LRRN1: variants seen among roughly 807,000 people sequenced by gnomAD.
LRRN1 encodes the protein leucine rich repeat neuronal 1, also known as leucine-rich repeat neuronal protein 1.
In LRRN1, 14 loss-of-function variants were observed where a neutral mutation model predicts 45.8. The ratio of observed to expected loss-of-function variants is 0.31; its 90% CI spans 0.20 to 0.48. The LOEUF is 0.48. Among genes scored for constraint, LRRN1 ranks in the 20% least tolerant of loss-of-function variants. LRRN1 has a pLI of 0.99. For missense variants in LRRN1, 789 were observed against 874.2 expected, an observed-to-expected ratio of 0.90 and a Z score of 1.23; for synonymous variants, 359 against 330.1, an observed-to-expected ratio of 1.09 and a Z score of -0.95.
rs772776936 is a variant in LRRN1, at chr3:3,845,983, C to T, written c.1342C>T (p.Arg448Ter). The change falls in exon 2 of 2, where the codon CGA becomes TGA. Residue 448 changes from arginine (R) to a stop codon, truncating the protein, a stop_gained. Coordinates refer to ENST00000319331, the MANE Select transcript of LRRN1 (RefSeq NM_020873.7). LOFTEE classifies it high-confidence loss of function. The surrounding 1 kb of genome is among the most constrained non-coding windows in gnomAD (Gnocchi z 6.5). ...CGGCACGACGGTTTTCCTAGACTGTCGAGCCATGGCTGAGCCAGAACCTGA... is the reference window on the plus strand; with the variant it reads ...CGGCACGACGGTTTTCCTAGACTGTTGAGCCATGGCTGAGCCAGAACCTGA... ...DIGTTVFLDC[R>*]AMAEPEPEIY... 1 of 1,613,962 alleles carries T rather than the reference C, an allele frequency of 6.2e-7. No individual in the cohort carries two copies. The highest frequency in any genetic ancestry group is 8.5e-7 in the Non-Finnish European group (1 of 1,179,870).
In LRRN1 at chr3:3,805,586, T is replaced by A. The variant is rs1335503715; in HGVS notation, c.-279+5667T>A. Among the ~76,000 whole-genome samples, 3 of 152,184 alleles carry A rather than the reference T, an allele frequency of 2.0e-5. No homozygotes were observed. The East Asian group carries it at 5.8e-4, about 29-fold the overall frequency. On this transcript the variant is annotated intron_variant, in intron 1 of 1. Transcript: ENST00000319331. ...TTTCAATATCACCAGTGCGAATAAT[T>A]TGATTTCTGCCCCAAGAGCTAGAAT...
Position 3,846,753 on chromosome 3 carries a change from A to G in LRRN1, c.2112A>G (p.Pro704=), listed in dbSNP as rs376646210. 3.5e-5 allele frequency: 57 copies of G among 1,612,600 alleles called. No homozygotes were observed. The highest frequency in any genetic ancestry group is 4.6e-5 in the Non-Finnish European group (54 of 1,179,682). ...KDKDGSADTK[P]TQVDTSRSYY... The stretch of plus-strand genomic sequence containing the variant: ...AAGATGGTTCTGCAGACACCAAGCC[A>G]ACCCAGGTCGACACATCCAGAAGCT... Residue 704 remains proline, a synonymous_variant, in exon 2 of 2, where the codon CCA becomes CCG. Transcript: ENST00000319331. The surrounding 1 kb of genome is among the most constrained non-coding windows in gnomAD (Gnocchi z 5.7).
intron 1 of LRRN1, among the ~76,000 whole-genome samples, chr3:3,824,206 C>A (rs1305607588): frequency 6.6e-6 from 1 of 152,170 alleles, no homozygotes; most frequent in African/African-American, 2.4e-5. Flanking sequence ...GTAAGTCACT[C>A]AGTGTAGTGG....
At chr3:3,810,055 C>A (rs989307349) in intron 1 of LRRN1, among the ~76,000 whole-genome samples, 2 of 152,172 alleles carry the variant, frequency 1.3e-5, no homozygotes, top group African/African-American at 4.8e-5. Context: ...TTTGTCTAGA[C>A]ATGAGAAATA....
chr3:3,803,666 A>G (rs986882376), intron 1 of LRRN1, among the ~76,000 whole-genome samples: 1 of 152,200 alleles, frequency 6.6e-6, no homozygotes. Flanking sequence ...TTAATATTTA[A>G]TTCAGGATGA....
intron 1 of LRRN1, among the ~76,000 whole-genome samples, chr3:3,808,017 G>A (rs1310072090): frequency 2.0e-5 from 3 of 152,148 alleles, no homozygotes; most frequent in Admixed American, 1.3e-4. Context: ...CAAAATATGT[G>A]GGCAAAGGCT....
chr3:3,814,424 C>G (rs912529749), intron 1 of LRRN1, among the ~76,000 whole-genome samples: 2 of 151,778 alleles, frequency 1.3e-5, no homozygotes, highest in African/African-American at 4.8e-5. Context: ...TGCCATCTGG[C>G]TTCTTGTTGG....
At chr3:3,815,342 C>T (rs1692965834) in intron 1 of LRRN1, among the ~76,000 whole-genome samples, 1 of 152,148 alleles carries the variant, frequency 6.6e-6, no homozygotes, top group Admixed American at 6.5e-5. Flanking sequence ...AATACCACTG[C>T]TTTGTGTACA....
chr3:3,825,089 C>T (rs1019209344), intron 1 of LRRN1, among the ~76,000 whole-genome samples: 3 of 152,200 alleles, frequency 2.0e-5, no homozygotes, highest in Admixed American at 1.3e-4. Flanking sequence ...AGACACCTTC[C>T]TGGGTTTGGA....
rs1322179122 is a variant in LRRN1 at position 3,838,478 on chromosome 3, G to A, written c.-278-5886G>A. On this transcript the variant is annotated intron_variant, in intron 1 of 1. Coordinates refer to ENST00000319331, the MANE Select transcript of LRRN1 (RefSeq NM_020873.7). ...CTCTTGGCTATTGTGAATAATAATAGGTGCAATGAACGTGGGTGTACAAAT... is the reference window on the plus strand; with the variant it reads ...CTCTTGGCTATTGTGAATAATAATAAGTGCAATGAACGTGGGTGTACAAAT... Among the ~76,000 whole-genome samples the A allele has an allele frequency of 2.0e-5, 3 of 152,258 alleles. No individual in the cohort carries two copies. In the East Asian group the frequency reaches 5.8e-4, roughly 29 times the overall value.
In LRRN1 at chr3:3,844,616, G is replaced by C. The variant is rs1693717281; in HGVS notation, c.-26G>C. ...TTTTGTTAAAACTTTGGGGTGTCAG[G>C]AGTTGAGCTTGCTCAGCAAGCCAGC... On this transcript the variant is annotated 5_prime_UTR_variant, in exon 2 of 2. Coordinates refer to ENST00000319331, the MANE Select transcript of LRRN1 (RefSeq NM_020873.7). The C allele has an allele frequency of 6.3e-7, 1 of 1,575,630 alleles. No individual in the cohort carries two copies.
rs1693804614 is a variant in LRRN1, at chr3:3,847,503, T to G, written c.*711T>G. The G allele has an allele frequency of 6.0e-6, 1 of 167,074 alleles. No individual in the cohort carries two copies. The highest frequency in any genetic ancestry group is 2.4e-5 in the African/African-American group (1 of 41,472). 10.3% of individuals were successfully genotyped at this position (167,074 alleles called of 1,614,324 possible). A position where few individuals can be genotyped will look rare whatever the true frequency, so the allele number is the denominator to read the frequency against. On this transcript the variant is annotated 3_prime_UTR_variant, in exon 2 of 2. Coordinates refer to ENST00000319331, the MANE Select transcript of LRRN1 (RefSeq NM_020873.7). ...CATGTTAATTGTTATCTTATTCTTT[T>G]TATCTTTAGTAGACACTTTTAAAAG...
chr3:3,835,529 C>T (rs1693490550), intron 1 of LRRN1, among the ~76,000 whole-genome samples: 1 of 150,546 alleles, frequency 6.6e-6, no homozygotes, highest in Non-Finnish European at 1.5e-5. Flanking sequence ...AATTCGAATA[C>T]AGAACACTTG....
At chr3:3,828,864 TC>T (rs1204098581) in intron 1 of LRRN1, among the ~76,000 whole-genome samples, 1 of 152,226 alleles carries the variant, frequency 6.6e-6, no homozygotes, top group South Asian at 2.1e-4. Context: ...AGTCCTTGTT[TC>T]TGCACTTGTT....
intron 1 of LRRN1, among the ~76,000 whole-genome samples, chr3:3,800,136 TGCC>T (rs1375683936): frequency 1.2e-5 from 1 of 80,678 alleles, no homozygotes; most frequent in Non-Finnish European, 2.3e-5. Flanking sequence ...CCGTCCCCCT[TGCC>T]AAAAAAAAAA....
chr3:3,834,536 ATATATATATATATATATGATATATATATT>A (rs1171035553), intron 1 of LRRN1, among the ~76,000 whole-genome samples: 1 of 109,132 alleles, frequency 9.2e-6, no homozygotes, highest in African/African-American at 3.5e-5. Flanking sequence ...ATATATATAT[ATATATATATATATATATGATATATATATT>A]ATTATACATA....
Position 3,849,483 on chromosome 3 carries a change from G to C in LRRN1, c.*2691G>C, listed in dbSNP as rs111681165. Reference sequence around the variant, plus strand: ...CATTTGTATTTAATTTCATAAATTAGACAGCCAGTGAAATTAGACCTCAAA... The same window carrying C: ...CATTTGTATTTAATTTCATAAATTACACAGCCAGTGAAATTAGACCTCAAA... On this transcript the variant is annotated 3_prime_UTR_variant, in exon 2 of 2. Transcript: ENST00000319331. Among the ~76,000 whole-genome samples, 442 of 151,918 alleles carry C rather than the reference G, an allele frequency of 2.9e-3. No homozygotes were observed. Among genetic ancestry groups the C allele is most frequent in the Non-Finnish European group, 5.6e-3 (383 of 68,016 alleles).
chr3:3,804,257 T>C (rs868494522), intron 1 of LRRN1: 4 of 152,212 alleles, frequency 2.6e-5, no homozygotes, highest in South Asian at 2.1e-4. Flanking sequence ...AATTTTGTCA[T>C]GTATAACATA....
At position 3,845,061 on chromosome 3, in the gene LRRN1, A is replaced by G. The variant is rs747571636; in HGVS notation, c.420A>G (p.Gln140=). Residue 140 remains glutamine (Q), a synonymous_variant, in exon 2 of 2, where the codon CAA becomes CAG. Coordinates refer to ENST00000319331, the MANE Select transcript of LRRN1 (RefSeq NM_020873.7). This position sits in a 1 kb window ranked among gnomAD's most constrained non-coding sequence, Gnocchi z 6.5. ...CCGAGATGACTGATTACTGTCTACA[A>G]GACCTCAGCAACCTTCAAGAACTCT... is the stretch of plus-strand genomic sequence containing the variant. ...QITEMTDYCL[Q]DLSNLQELYI... The G allele has an allele frequency of 6.2e-7, 1 of 1,614,172 alleles. No individual in the cohort carries two copies. The highest frequency in any genetic ancestry group is 2.2e-5 in the East Asian group (1 of 44,878).
Sources: allele counts gnomAD v4.1 joint callset (sites outside exome capture counted in the v4.1 genomes callset), GRCh38; gene constraint gnomAD v4.1.1; non-coding constraint Gnocchi (gnomAD v3.1); transcripts MANE v1.5; gene names NCBI Gene and HGNC (gene_info 2026-07-23, HGNC 2026-07-21).